COP1: variants seen among roughly 807,000 people sequenced by gnomAD.
COP1 encodes the protein E3 ubiquitin-protein ligase COP1.
Under a neutral mutation model 101.3 loss-of-function variants are expected in COP1, and 24 were observed. The observed-to-expected ratio is 0.24, with a 90% CI of 0.17 to 0.33. COP1 has a LOEUF of 0.33. COP1 is among the 10% of genes least tolerant of loss of function. The pLI, the probability that COP1 is intolerant of heterozygous loss-of-function variation, is 1.00. For missense variants in COP1, 663 were observed against 906.2 expected, an observed-to-expected ratio of 0.73 and a Z score of 3.45; for synonymous variants, 347 against 341.9, an observed-to-expected ratio of 1.01 and a Z score of -0.17.
chr1:176,136,563 A>C lies in COP1; in HGVS notation c.832-16T>G. On this transcript the variant is annotated splice_polypyrimidine_tract_variant and intron_variant, in intron 6 of 19. Transcript: ENST00000367669. ...GTTCCAGTTGCTGCAGATTAAATAGAGAGAGAAAGACAAAAAAAAAAAAGC... is the reference window on the plus strand; with the variant it reads ...GTTCCAGTTGCTGCAGATTAAATAGCGAGAGAAAGACAAAAAAAAAAAAGC... The C allele has an allele frequency of 6.5e-7, 1 of 1,544,282 alleles. No individual in the cohort carries two copies. Among genetic ancestry groups the C allele is most frequent in the Non-Finnish European group, 8.8e-7 (1 of 1,140,240 alleles).
chr1:176,089,989 A>G (rs1680978617), intron 9 of COP1, among the ~76,000 whole-genome samples: 1 of 152,206 alleles, frequency 6.6e-6, no homozygotes, highest in Non-Finnish European at 1.5e-5. Flanking sequence ...CTGAGAGTCC[A>G]GCCTAATTAG....
At chr1:176,074,671 AGTAT>A (rs1677647421) in intron 11 of COP1, among the ~76,000 whole-genome samples, 1 of 152,120 alleles carries the variant, frequency 6.6e-6, no homozygotes, top group Non-Finnish European at 1.5e-5. Context: ...CATAAATGTC[AGTAT>A]GATTAGGGTT....
intron 8 of COP1, among the ~76,000 whole-genome samples, chr1:176,126,131 G>C (rs1030466845): frequency 1.3e-5 from 2 of 152,116 alleles, no homozygotes; most frequent in South Asian, 4.1e-4. Context: ...GAGTCTATAG[G>C]TTTTTCCAAA....
At position 176,199,310 on chromosome 1, in the gene COP1, C is replaced by G. The variant is rs145740811; in HGVS notation, c.407+7262G>C. On this transcript the variant is annotated intron_variant, in intron 1 of 19. Transcript: ENST00000367669. ...CCAGCTGGGGCGACAGTATGAGACTCCCATCTCAAAAAAAGATAAAAAAGA... is the reference window on the plus strand; with the variant it reads ...CCAGCTGGGGCGACAGTATGAGACTGCCATCTCAAAAAAAGATAAAAAAGA... Among the ~76,000 whole-genome samples, 400 of 152,024 alleles carry G rather than the reference C, an allele frequency of 2.6e-3. 3 individuals are homozygous for G. The highest frequency in any genetic ancestry group is 9.2e-3 in the African/African-American group (382 of 41,482).
chr1:176,019,505 T>TAATAATAATAAC (rs1374161037), intron 15 of COP1, among the ~76,000 whole-genome samples: 262 of 133,158 alleles, frequency 2.0e-3, no homozygotes, highest in African/African-American at 5.6e-3. Context: ...ATAATAATAA[T>TAATAATAATAAC]AACCATCATC....
At chr1:175,974,922 C>CAAAA (rs34306335) in intron 18 of COP1, among the ~76,000 whole-genome samples, 1 of 91,284 alleles carries the variant, frequency 1.1e-5, no homozygotes, top group Non-Finnish European at 2.2e-5. Context: ...GACCCTGTCT[C>CAAAA]AAAAAAAAAA....
intron 9 of COP1, among the ~76,000 whole-genome samples, chr1:176,108,208 T>A (rs1684662150): frequency 6.6e-6 from 1 of 152,230 alleles, no homozygotes; most frequent in Non-Finnish European, 1.5e-5. Flanking sequence ...TTACAAAAGT[T>A]CAGAAATATA....
intron 5 of COP1, among the ~76,000 whole-genome samples, chr1:176,159,728 C>G (rs1694004102): frequency 1.3e-5 from 2 of 152,136 alleles, no homozygotes; most frequent in African/African-American, 4.8e-5. Context: ...ATATAAACCT[C>G]TAATTTATGC....
At chr1:176,141,078 T>A (rs541394503) in intron 6 of COP1, among the ~76,000 whole-genome samples, 1 of 152,240 alleles carries the variant, frequency 6.6e-6, no homozygotes, top group Non-Finnish European at 1.5e-5. Flanking sequence ...AGTGCCTTGA[T>A]AAAGATATGC....
At chr1:176,008,831 G>A (rs1360040350) in intron 15 of COP1, among the ~76,000 whole-genome samples, 2 of 152,172 alleles carry the variant, frequency 1.3e-5, no homozygotes, top group Non-Finnish European at 2.9e-5. Context: ...TCTTTAATGA[G>A]TTTTTTATTT....
intron 8 of COP1, among the ~76,000 whole-genome samples, chr1:176,130,958 C>G (rs1294925962): frequency 3.3e-5 from 5 of 151,788 alleles, no homozygotes; most frequent in Admixed American, 2.6e-4. Context: ...GAAATGGCAT[C>G]TGAAAAAAGA....
rs939709506 is a variant in COP1, at chr1:176,163,842, G to C, written c.615C>G (p.Phe205Leu). The C allele has an allele frequency of 1.2e-6, 2 of 1,607,246 alleles. No individual in the cohort carries two copies. Among genetic ancestry groups the C allele is most frequent in the Non-Finnish European group, 1.7e-6 (2 of 1,175,592 alleles). ...TGCTACTCACTGAGTGGTCCAATTT[G>C]AACCTCTTTTCCTCAAATCTTTGCT... Reference protein sequence around the residue: ...KQKQRFEEKRFKLDHSVSSTN... With the variant: ...KQKQRFEEKRLKLDHSVSSTN... Residue 205 changes from phenylalanine to leucine, a missense_variant, in exon 4 of 20, where the codon TTC (phenylalanine) becomes TTG (leucine). Phe to Leu is a conservative substitution (Grantham distance 22, BLOSUM62 0). Around this residue, in one of 4 missense-constraint regions of COP1, gnomAD observed 212 missense variants for 240.7 expected, o/e 0.88. Coordinates refer to ENST00000367669, the MANE Select transcript of COP1 (RefSeq NM_022457.7).
chr1:175,974,136 G>A (rs1352448169), intron 18 of COP1, among the ~76,000 whole-genome samples: 2 of 152,148 alleles, frequency 1.3e-5, no homozygotes, highest in African/African-American at 2.4e-5. Flanking sequence ...AAGAAGTAAT[G>A]GCAGGACATA....
intron 11 of COP1, among the ~76,000 whole-genome samples, chr1:176,078,062 C>T (rs1678386669): frequency 6.6e-6 from 1 of 152,100 alleles, no homozygotes. Context: ...GCTAAAATGG[C>T]AATATTGTTC....
intron 15 of COP1, among the ~76,000 whole-genome samples, chr1:175,994,968 A>G (rs2148806147): frequency 6.6e-6 from 1 of 152,344 alleles, no homozygotes; most frequent in East Asian, 1.9e-4. Flanking sequence ...CACAACACCT[A>G]TTCCAAAATT....
At chr1:175,988,461 G>T in intron 16 of COP1, 49 bp from the exon 17 acceptor site, 1 of 1,518,212 alleles carries the variant, frequency 6.6e-7, no homozygotes, top group South Asian at 1.3e-5. Flanking sequence ...TTCTTGGCAC[G>T]AAACTCATCA....
chr1:176,202,930 T>TTTAATTAAG (rs1700416830), intron 1 of COP1, among the ~76,000 whole-genome samples: 16 of 152,226 alleles, frequency 1.1e-4, no homozygotes, highest in Admixed American at 8.5e-4. Context: ...AATCATGAGC[T>TTTAATTAAG]CCTTAAGAAG....
intron 1 of COP1, among the ~76,000 whole-genome samples, chr1:176,185,020 T>C (rs1698268829): frequency 6.6e-6 from 1 of 152,170 alleles, no homozygotes; most frequent in Non-Finnish European, 1.5e-5. Context: ...AAGAAAGCTC[T>C]ACCATCGTTT....
chr1:176,195,269 T>A (rs1255736342), intron 1 of COP1, among the ~76,000 whole-genome samples: 1 of 152,122 alleles, frequency 6.6e-6, no homozygotes, highest in Admixed American at 6.5e-5. Context: ...GAGTGACATT[T>A]CAAAATGATA....
Sources: gnomAD v4.1 joint callset for allele counts (sites outside exome capture counted in the v4.1 genomes callset) on GRCh38, gnomAD v4.1.1 for gene constraint, gnomAD v4.1.1 regional missense constraint, MANE v1.5 for transcripts, NCBI Gene and HGNC (gene_info 2026-07-23, HGNC 2026-07-21) for gene names.